Variants in USPL1 observed in about 807,000 individuals in gnomAD.
USPL1 encodes the protein SUMO-specific isopeptidase USPL1.
Under a neutral mutation model 51.5 loss-of-function variants are expected in USPL1, and 27 were observed. That is an observed-to-expected ratio of 0.52 (90% CI 0.39 to 0.72). USPL1 has a LOEUF of 0.72. Ranked by LOEUF, USPL1 falls within the 30% of genes least tolerant of loss-of-function variation. The probability of loss-of-function intolerance (pLI) is 0.00; values close to 1 mark genes in which losing one functional copy is unlikely to be tolerated. For synonymous variants in USPL1, 451 were observed against 459.6 expected (o/e 0.98, Z 0.24); for missense variants, 1,226 against 1,268.0 (o/e 0.97, Z 0.50).
chr13:30,618,169 G>A (rs529134599), intron 1 of USPL1, 113 bp downstream of exon 1: 1 of 152,550 alleles, frequency 6.6e-6, no homozygotes, highest in African/African-American at 2.4e-5. Context: ...GGGCTGGGAC[G>A]GGGTTCAAGT....
rs1184805052 is a variant in USPL1, at chr13:30,639,173, G to A, written c.982+1316G>A. ...AGAGGTTGCAGTGAGCTGAGATCACGCCATTGCATTCCAGCCTGGGGACAG... is the reference window on the plus strand; with the variant it reads ...AGAGGTTGCAGTGAGCTGAGATCACACCATTGCATTCCAGCCTGGGGACAG... On this transcript the variant is annotated intron_variant, in intron 5 of 8. Transcript: ENST00000255304. Among the ~76,000 whole-genome samples the A allele has an allele frequency of 6.6e-5, 10 of 151,202 alleles. No homozygotes were observed. In the East Asian group the frequency reaches 7.8e-4, roughly 12 times the overall value.
In USPL1 at chr13:30,626,081, A is replaced by G. The variant is rs561596593; in HGVS notation, c.228+4189A>G. On this transcript the variant is annotated intron_variant, in intron 3 of 8. Transcript: ENST00000255304. ...TGTAATCCCAGCACTTTGGGAGGCC[A>G]AGGTGGGTGGATTCTCTTGAGGTCA... Among the ~76,000 whole-genome samples the G allele has an allele frequency of 1.4e-4, 22 of 152,282 alleles. No individual in the cohort carries two copies. The South Asian group carries it at 4.4e-3, about 30-fold the overall frequency.
At chr13:30,647,159 G>A in intron 7 of USPL1, 102 bp downstream of exon 7, 1 of 1,277,530 alleles carries the variant, frequency 7.8e-7, no homozygotes, top group Non-Finnish European at 1.1e-6. Flanking sequence ...TTACCTTTCT[G>A]AAATTTGAGT....
intron 3 of USPL1, among the ~76,000 whole-genome samples, chr13:30,624,815 A>C (rs1950690311): frequency 6.6e-6 from 1 of 152,254 alleles, no homozygotes; most frequent in South Asian, 2.1e-4. Flanking sequence ...CTGCAAGGAC[A>C]TCTGCCCAGC....
chr13:30,645,543 A>G (rs4769859), intron 6 of USPL1, among the ~76,000 whole-genome samples: 75,947 of 152,122 alleles, frequency 0.5, 21,557 homozygotes, highest in African/African-American at 0.78. Flanking sequence ...TCTAAAAATA[A>G]AAGTAGTTAT....
intron 5 of USPL1, among the ~76,000 whole-genome samples, chr13:30,641,010 C>T (rs1950939930): frequency 6.6e-6 from 1 of 152,158 alleles, no homozygotes; most frequent in South Asian, 2.1e-4. Flanking sequence ...GCTGGTGTTC[C>T]ACCTCTTGAG....
At chr13:30,641,926 A>G (rs1950952867) in intron 5 of USPL1, among the ~76,000 whole-genome samples, 1 of 149,338 alleles carries the variant, frequency 6.7e-6, no homozygotes, top group Non-Finnish European at 1.5e-5. Flanking sequence ...TTTTTTTTAG[A>G]GACGAGGTCT....
intron 4 of USPL1, among the ~76,000 whole-genome samples, chr13:30,633,952 C>A (rs776089320): frequency 7.2e-5 from 11 of 152,072 alleles, no homozygotes; most frequent in Non-Finnish European, 7.4e-5. Context: ...GATGCAACAG[C>A]AAAATTAGCA....
At position 30,617,968 on chromosome 13, in the gene USPL1, G is replaced by A. The variant is rs1950590347; in HGVS notation, c.-157G>A. The A allele has an allele frequency of 6.6e-6, 1 of 152,406 alleles. No homozygotes were observed. Among genetic ancestry groups the A allele is most frequent in the Non-Finnish European group, 1.5e-5 (1 of 68,160 alleles). 9.4% of individuals were successfully genotyped at this position (152,406 alleles called of 1,614,324 possible). ...GGGGGAGGAGCAGTCCGAGGGGAACGTGGGTTGAACGTTGCAACTAGGGTG... is the reference window on the plus strand; with the variant it reads ...GGGGGAGGAGCAGTCCGAGGGGAACATGGGTTGAACGTTGCAACTAGGGTG... On this transcript the variant is annotated 5_prime_UTR_variant, in exon 1 of 9. It adds an upstream start codon to the 5' untranslated region. Coordinates refer to ENST00000255304, the MANE Select transcript of USPL1 (RefSeq NM_005800.5).
At position 30,621,100 on chromosome 13, in the gene USPL1, T is replaced by G. The variant is rs565363017; in HGVS notation, c.-41T>G. ...TTCATTGAAAAAATCCTTAGTGATA[T>G]TGACATGTCTCAAGTGACATAAATT... On this transcript the variant is annotated 5_prime_UTR_variant, in exon 2 of 9. Transcript: ENST00000255304. 1.3e-6 allele frequency: 2 copies of G among 1,525,456 alleles called. No individual in the cohort carries two copies. Among genetic ancestry groups the G allele is most frequent in the African/African-American group, 1.4e-5 (1 of 72,322 alleles). The allele number at this position is 1,525,456 out of a possible 1,614,324, so 94.5% of individuals were successfully genotyped here.
Position 30,658,033 on chromosome 13 carries a change from A to G in USPL1, c.1956A>G (p.Ile652Met), listed in dbSNP as rs1951190639. Residue 652 changes from isoleucine (I) to methionine (M), a missense_variant, in exon 9 of 9, where the codon ATA becomes ATG. Transcript: ENST00000255304. ...TTATTCAAGACCAATTTGTGGACAT[A>G]AGTTTTCCATCCCAAGTTGTAAATA... The part of the protein sequence containing the change: ...EKLIQDQFVD[I>M]SFPSQVVNTN... 2.5e-6 allele frequency: 4 copies of G among 1,613,130 alleles called. No individual in the cohort carries two copies. The Admixed American group carries it at 6.7e-5, about 27-fold the overall frequency.
At chr13:30,622,048 T>C (rs1008406506) in intron 3 of USPL1, among the ~76,000 whole-genome samples, 156 bp downstream of exon 3, 2 of 152,134 alleles carry the variant, frequency 1.3e-5, no homozygotes, top group African/African-American at 4.8e-5. Flanking sequence ...CAATGTTATT[T>C]TTCCACCTAC....
Position 30,659,756 on chromosome 13 carries a change from G to A in USPL1, c.*400G>A, listed in dbSNP as rs74319060. On this transcript the variant is annotated 3_prime_UTR_variant, in exon 9 of 9. Coordinates refer to ENST00000255304, the MANE Select transcript of USPL1 (RefSeq NM_005800.5). ...CTGTTGCTCGTGGCGCTTTGCCCAC[G>A]GTGCCCGAGTTCTTGTCCTGTGTCC... 2.2e-3 allele frequency: 374 copies of A among 167,386 alleles called. 4 individuals are homozygous for A. Among genetic ancestry groups the A allele is most frequent in the African/African-American group, 8.4e-3 (352 of 41,722 alleles). The allele number at this position is 167,386 out of a possible 1,614,324, so 10.4% of individuals were successfully genotyped here. A position where few individuals can be genotyped will look rare whatever the true frequency, so the allele number is the denominator to read the frequency against.
At chr13:30,644,802 A>C (rs1950996335) in intron 6 of USPL1, among the ~76,000 whole-genome samples, 1 of 152,220 alleles carries the variant, frequency 6.6e-6, no homozygotes, top group Admixed American at 6.5e-5. Context: ...TTTTCATATT[A>C]AGCTTTTTGT....
intron 5 of USPL1, among the ~76,000 whole-genome samples, chr13:30,642,417 T>G (rs1488843936): frequency 2.0e-5 from 3 of 152,162 alleles, no homozygotes; most frequent in Non-Finnish European, 4.4e-5. Context: ...AGGAAAGAGA[T>G]CAAAGTGGTA....
In USPL1 at chr13:30,653,266, G is replaced by A. The variant is rs1285848939; in HGVS notation, c.1357G>A (p.Ala453Thr). 3 of 1,608,514 alleles carry A rather than the reference G, an allele frequency of 1.9e-6. No homozygotes were observed. The highest frequency in any genetic ancestry group is 1.3e-5 in the African/African-American group (1 of 74,784). Residue 453 changes from alanine (A) to threonine (T), a missense_variant, in exon 8 of 9, where the codon GCA (alanine) becomes ACA (threonine). By Grantham distance (58) the Ala-to-Thr change is moderately conservative. Coordinates refer to ENST00000255304, the MANE Select transcript of USPL1 (RefSeq NM_005800.5). ...YQITSVIQYR[A>T]NNHFITWILD... ...GATAACTTCTGTAATTCAGTATCGA[G>A]CAAATAATCATTTTATAACATGGAT...
Position 30,637,836 on chromosome 13 carries a change from C to T in USPL1, c.961C>T (p.Pro321Ser). 6.2e-7 allele frequency: 1 copy of T among 1,613,424 alleles called. No individual in the cohort carries two copies. Among genetic ancestry groups the T allele is most frequent in the Non-Finnish European group, 8.5e-7 (1 of 1,179,612 alleles). The change falls in exon 5 of 9, where the codon CCC (proline) becomes TCC (serine). Residue 321 changes from proline to serine, a missense_variant. Coordinates refer to ENST00000255304, the MANE Select transcript of USPL1 (RefSeq NM_005800.5). ...AGATGAAATTTTTATTAGCCTTCAG[C>T]CCCAGCTTAGATGCACATTAGGTAA... ...VRDEIFISLQ[P>S]QLRCTLGDME...
chr13:30,644,575 A>G (rs1410832629), intron 6 of USPL1, among the ~76,000 whole-genome samples: 1 of 152,176 alleles, frequency 6.6e-6, no homozygotes, highest in African/African-American at 2.4e-5. Flanking sequence ...GAATATCGCA[A>G]GGATTTGGTC....
rs1951234900 is a variant in USPL1, at chr13:30,659,935, A to C, written c.*579A>C. 1 of 152,402 alleles carries C rather than the reference A, an allele frequency of 6.6e-6. No homozygotes were observed. The highest frequency in any genetic ancestry group is 1.9e-4 in the East Asian group (1 of 5,208). 9.4% of individuals were successfully genotyped at this position (152,402 alleles called of 1,614,324 possible). A position where few individuals can be genotyped will look rare whatever the true frequency, so the allele number is the denominator to read the frequency against. ...GCTCTCAGCAGAGAAAAGGCCCTGGAGAGGGTGACTCCTCTCAGCTCTCAG... is the reference window on the plus strand; with the variant it reads ...GCTCTCAGCAGAGAAAAGGCCCTGGCGAGGGTGACTCCTCTCAGCTCTCAG... On this transcript the variant is annotated 3_prime_UTR_variant, in exon 9 of 9. Transcript: ENST00000255304.
Sources: allele counts gnomAD v4.1 joint callset (sites outside exome capture counted in the v4.1 genomes callset), GRCh38; gene constraint gnomAD v4.1.1; transcripts MANE v1.5; gene names NCBI Gene and HGNC (gene_info 2026-07-23, HGNC 2026-07-21).